The following SLC39A10 variants were observed in gnomAD, a reference collection of about 807,000 sequenced individuals.
SLC39A10 encodes the protein zinc transporter ZIP10.
In SLC39A10, 13 loss-of-function variants were observed where a neutral mutation model predicts 65.1. That is an observed-to-expected ratio of 0.20 (90% confidence interval 0.13 to 0.32). The LOEUF is 0.32. Ranked by LOEUF, SLC39A10 falls within the 10% of genes least tolerant of loss-of-function variation. The pLI is 1.00. For synonymous variants in SLC39A10, 321 were observed against 342.2 expected, an observed-to-expected ratio of 0.94 and a Z score of 0.68; for missense variants, 831 against 1,018.4, an observed-to-expected ratio of 0.82 and a Z score of 2.50.
chr2:195,690,555 G>C (rs528158204), intron 3 of SLC39A10, among the ~76,000 whole-genome samples: 1 of 152,214 alleles, frequency 6.6e-6, no homozygotes, highest in Non-Finnish European at 1.5e-5. Context: ...TTTCTTGATA[G>C]TAGTCATCGT....
intron 8 of SLC39A10, among the ~76,000 whole-genome samples, chr2:195,726,404 G>C (rs1692240275): frequency 6.6e-6 from 1 of 152,100 alleles, no homozygotes; most frequent in African/African-American, 2.4e-5. Flanking sequence ...ACAAGGAGAG[G>C]AAATTTGTTA....
At chr2:195,678,070 G>A (rs1004209296) in intron 1 of SLC39A10, among the ~76,000 whole-genome samples, 2 of 152,132 alleles carry the variant, frequency 1.3e-5, no homozygotes, top group Non-Finnish European at 2.9e-5. Flanking sequence ...TGACTGTGAT[G>A]AATAATGATT....
intron 2 of SLC39A10, among the ~76,000 whole-genome samples, chr2:195,640,255 A>G (rs1221930125): frequency 1.3e-5 from 2 of 152,100 alleles, no homozygotes; most frequent in African/African-American, 4.8e-5. Context: ...ATTTGTCTTT[A>G]TAAGTCCTTA....
chr2:195,716,719 T>C lies in SLC39A10; in HGVS notation c.1779T>C (p.Pro593=). The C allele has an allele frequency of 6.2e-7, 1 of 1,614,166 alleles. No homozygotes were observed. The highest frequency in any genetic ancestry group is 8.5e-7 in the Non-Finnish European group (1 of 1,180,006). Residue 593 remains proline, a synonymous_variant, in exon 7 of 10, where the codon CCT becomes CCC. Coordinates refer to ENST00000359634, the MANE Select transcript of SLC39A10 (RefSeq NM_020342.3). The part of the protein sequence containing the change: ...TDLEGQQESP[P]KNYLCIEEEK... ...TAGAAGGCCAACAAGAATCCCCTCC[T>C]AAAAATTACCTTTGTATAGAAGAGG...
upstream of SLC39A10, among the ~76,000 whole-genome samples, chr2:195,653,136 G>C (rs1312903614): frequency 6.6e-6 from 1 of 152,076 alleles, no homozygotes; most frequent in Non-Finnish European, 1.5e-5. Context: ...AGTTTTGCAA[G>C]GCCATTTCAA....
At chr2:195,718,858 C>T (rs1457711592) in intron 8 of SLC39A10, among the ~76,000 whole-genome samples, 1 of 151,972 alleles carries the variant, frequency 6.6e-6, no homozygotes. Context: ...CTAACCAGCA[C>T]TGAGGTTTTA....
chr2:195,684,077 G>A (rs181709999), intron 3 of SLC39A10, among the ~76,000 whole-genome samples, 171 bp downstream of exon 3: 1 of 151,926 alleles, frequency 6.6e-6, no homozygotes, highest in Admixed American at 6.6e-5. Context: ...GGGGGAAGAC[G>A]GGGGCACAAT....
intron 2 of SLC39A10, among the ~76,000 whole-genome samples, chr2:195,650,609 G>A (rs1381987535): frequency 6.6e-6 from 1 of 152,032 alleles, no homozygotes; most frequent in Non-Finnish European, 1.5e-5. Flanking sequence ...TTATTCTTAG[G>A]TTAGGATCAT....
chr2:195,712,478 A>G (rs530441218), intron 5 of SLC39A10, among the ~76,000 whole-genome samples: 1 of 152,378 alleles, frequency 6.6e-6, no homozygotes, highest in Admixed American at 6.5e-5. Context: ...CAGTTAGACG[A>G]CTTAAACATC....
rs1191951859 is a variant in SLC39A10, at chr2:195,657,273, G to A, written c.-20G>A. On this transcript the variant is annotated 5_prime_UTR_variant, in exon 1 of 10. Transcript: ENST00000359634. ...CGGAGAGGAGATGCACACGGCACTC[G>A]AGTGTGAGGTAACTATAAAACCCCG... is the stretch of plus-strand genomic sequence containing the variant. 2.0e-6 allele frequency: 1 copy of A among 490,680 alleles called. No homozygotes were observed. The highest frequency in any genetic ancestry group is 2.6e-6 in the Non-Finnish European group (1 of 377,892). 30.4% of individuals were successfully genotyped at this position (490,680 alleles called of 1,614,324 possible). A position where few individuals can be genotyped will look rare whatever the true frequency, so the allele number is the denominator to read the frequency against.
At chr2:195,709,273 C>T (rs1691520981) in intron 5 of SLC39A10, among the ~76,000 whole-genome samples, 1 of 151,818 alleles carries the variant, frequency 6.6e-6, no homozygotes, top group South Asian at 2.1e-4. Flanking sequence ...GCTATGTGGC[C>T]CAGGCTAGAA....
chr2:195,711,358 C>T (rs1691596259), intron 5 of SLC39A10, among the ~76,000 whole-genome samples: 1 of 152,098 alleles, frequency 6.6e-6, no homozygotes, highest in Admixed American at 6.6e-5. Context: ...GCAAAGAAAA[C>T]TGATACAAGA....
At chr2:195,623,936 CACA>C (rs1688404542) in intron 2 of SLC39A10, among the ~76,000 whole-genome samples, 8 of 151,072 alleles carry the variant, frequency 5.3e-5, no homozygotes, top group African/African-American at 1.9e-4. Context: ...CACACACACA[CACA>C]CCGTCTTAGA....
chr2:195,638,116 G>A (rs139717835), intron 2 of SLC39A10, among the ~76,000 whole-genome samples: 113 of 152,216 alleles, frequency 7.4e-4, no homozygotes, highest in African/African-American at 2.5e-3. Flanking sequence ...AATTTGCCAA[G>A]TAAGAGGTCA....
Position 195,737,698 on chromosome 2 carries a change from A to G in SLC39A10, c.*2657A>G. On this transcript the variant is annotated 3_prime_UTR_variant, in exon 10 of 10. Coordinates refer to ENST00000359634, the MANE Select transcript of SLC39A10 (RefSeq NM_020342.3). ...CAAAATAAAGTTACTCAAAGAGAGC[A>G]AATATGCCAGTGTGTTTTCTTTAGT... 1 of 444,354 alleles carries G rather than the reference A, an allele frequency of 2.3e-6. No individual in the cohort carries two copies. Among genetic ancestry groups the G allele is most frequent in the Non-Finnish European group, 4.1e-6 (1 of 245,580 alleles). 27.5% of individuals were successfully genotyped at this position (444,354 alleles called of 1,614,324 possible).
chr2:195,632,367 T>C (rs1437158753), intron 2 of SLC39A10, among the ~76,000 whole-genome samples: 4 of 138,714 alleles, frequency 2.9e-5, no homozygotes, highest in Non-Finnish European at 6.1e-5. Flanking sequence ...TGGTGCCATC[T>C]CGGCTCACTG....
intron 2 of SLC39A10, among the ~76,000 whole-genome samples, chr2:195,650,868 A>C (rs1435929391): frequency 6.6e-6 from 1 of 151,396 alleles, no homozygotes; most frequent in Non-Finnish European, 1.5e-5. Flanking sequence ...GGGTCTGTGG[A>C]AGAGGATGGC....
chr2:195,699,861 T>C lies in SLC39A10; in HGVS notation c.1217-6755T>C, dbSNP rs116237183. On this transcript the variant is annotated intron_variant, in intron 3 of 9. Coordinates refer to ENST00000359634, the MANE Select transcript of SLC39A10 (RefSeq NM_020342.3). ...TAGCTGTTTTATTCATTATTGAAAG[T>C]GGAGTACTGAGGTCTCCAACTATTA... Among the ~76,000 whole-genome samples the C allele has an allele frequency of 8.7e-3, 1,324 of 152,242 alleles. 18 individuals carry two copies. Among genetic ancestry groups the C allele is most frequent in the African/African-American group, 0.031 (1,279 of 41,578 alleles).
chr2:195,676,712 T>C (rs913051487), intron 1 of SLC39A10, among the ~76,000 whole-genome samples: 8 of 152,186 alleles, frequency 5.3e-5, no homozygotes, highest in Non-Finnish European at 1.0e-4. Flanking sequence ...TAAAAAGAAG[T>C]CTTTAATACC....
Sources: gnomAD v4.1 joint callset for allele counts (sites outside exome capture counted in the v4.1 genomes callset) on GRCh38, gnomAD v4.1.1 for gene constraint, MANE v1.5 for transcripts, NCBI Gene and HGNC (gene_info 2026-07-23, HGNC 2026-07-21) for gene names.